Variants in SAMD8 observed in about 807,000 individuals in gnomAD.
SAMD8 encodes sterile alpha motif domain containing 8.
A neutral mutation model predicts 42.0 loss-of-function variants in SAMD8; 20 were observed. The observed-to-expected ratio is 0.48, with a 90% CI of 0.34 to 0.69. SAMD8 has a LOEUF of 0.69. Among genes scored for constraint, SAMD8 ranks in the 30% least tolerant of loss-of-function variants. The probability of loss-of-function intolerance (pLI) is 0.01; values close to 1 mark genes in which losing one functional copy is unlikely to be tolerated. For missense variants in SAMD8, 328 were observed against 511.6 expected, an observed-to-expected ratio of 0.64 and a Z score of 3.46; for synonymous variants, 162 against 173.0, an observed-to-expected ratio of 0.94 and a Z score of 0.50.
intron 1 of SAMD8, chr10:75,104,013 G>A (rs1350098708): frequency 7.4e-7 from 1 of 1,360,022 alleles, no homozygotes; most frequent in Admixed American, 1.9e-5. Flanking sequence ...GTGTCCGCCT[G>A]GGCCAGAGCC....
At chr10:75,109,968 C>T (rs1050236317), upstream of SAMD8, among the ~76,000 whole-genome samples, 15 of 152,160 alleles carry the variant, frequency 9.9e-5, no homozygotes, top group Admixed American at 7.9e-4. Context: ...CAGGCATGTG[C>T]CACCATGCCA....
In SAMD8 at chr10:75,178,395, C is replaced by G. The variant is rs947935691; in HGVS notation, c.*1703C>G. ...GCCAACATCTCATGTAAAGAAGTTG[C>G]ATAATCATGAAAAATAAAGGATGTT... On this transcript the variant is annotated 3_prime_UTR_variant, in exon 6 of 6. Coordinates refer to ENST00000542569, the MANE Select transcript of SAMD8 (RefSeq NM_001174156.2). The G allele has an allele frequency of 2.4e-4, 37 of 152,180 alleles. No individual in the cohort carries two copies. The highest frequency in any genetic ancestry group is 8.4e-4 in the African/African-American group (35 of 41,456). 9.4% of individuals were successfully genotyped at this position (152,180 alleles called of 1,614,324 possible).
intron 1 of SAMD8, among the ~76,000 whole-genome samples, chr10:75,127,791 G>T (rs976775904): frequency 2.0e-5 from 3 of 152,264 alleles, no homozygotes; most frequent in East Asian, 1.9e-4. Context: ...AAATAAACAA[G>T]TCCTCTTGAG....
intron 1 of SAMD8, among the ~76,000 whole-genome samples, chr10:75,140,457 G>A (rs1182749495): frequency 2.0e-5 from 3 of 152,196 alleles, no homozygotes; most frequent in African/African-American, 7.2e-5. Flanking sequence ...TGTATAATGG[G>A]AGGGACCTGT....
In SAMD8 at chr10:75,179,055, A is replaced by T. The variant is rs1292692045; in HGVS notation, c.*2363A>T. The T allele has an allele frequency of 6.6e-6, 1 of 152,016 alleles. No homozygotes were observed. Among genetic ancestry groups the T allele is most frequent in the Non-Finnish European group, 1.5e-5 (1 of 68,334 alleles). 9.4% of individuals were successfully genotyped at this position (152,016 alleles called of 1,614,324 possible). On this transcript the variant is annotated 3_prime_UTR_variant, in exon 6 of 6. Coordinates refer to ENST00000542569, the MANE Select transcript of SAMD8 (RefSeq NM_001174156.2). The stretch of plus-strand genomic sequence containing the variant: ...AAACGAAACAAAACAAAACAAAACA[A>T]ATTAGAGTGGGTGCAGTGTCTAATG...
At chr10:75,108,919 C>A (rs1848685538), upstream of SAMD8, 3 of 1,492,116 alleles carry the variant, frequency 2.0e-6, no homozygotes, top group Admixed American at 4.3e-5. Flanking sequence ...GCTATTTCTC[C>A]TTGTTTCCAC....
intron 1 of SAMD8, among the ~76,000 whole-genome samples, chr10:75,149,319 T>G (rs1300545446): frequency 2.6e-5 from 4 of 152,172 alleles, no homozygotes; most frequent in Non-Finnish European, 5.9e-5. Flanking sequence ...GTAGTAAAAA[T>G]TATTGGTACT....
chr10:75,145,680 T>C (rs1263327388), intron 1 of SAMD8, among the ~76,000 whole-genome samples: 1 of 152,302 alleles, frequency 6.6e-6, no homozygotes, highest in East Asian at 1.9e-4. Flanking sequence ...GAGGGGATAG[T>C]CCTGTGCATT....
chr10:75,115,471 A>G lies in SAMD8; in HGVS notation c.-16+3749A>G, dbSNP rs547012651. Among the ~76,000 whole-genome samples the G allele has an allele frequency of 5.3e-5, 8 of 152,348 alleles. No individual in the cohort carries two copies. In the East Asian group the frequency reaches 1.2e-3, roughly 22 times the overall value. ...CGCTGTTGCTTCCTGGTAATTTGCC[A>G]TATGAATGTGTGGGTATGGATTTGT... On this transcript the variant is annotated intron_variant, in intron 1 of 5. Transcript: ENST00000542569.
At chr10:75,148,153 A>G (rs1302637023) in intron 1 of SAMD8, among the ~76,000 whole-genome samples, 1 of 152,168 alleles carries the variant, frequency 6.6e-6, no homozygotes, top group East Asian at 1.9e-4. Flanking sequence ...AAAGAAATAA[A>G]TACTTAATGT....
At chr10:75,148,595 C>T (rs1840204320) in intron 1 of SAMD8, among the ~76,000 whole-genome samples, 1 of 152,096 alleles carries the variant, frequency 6.6e-6, no homozygotes, top group African/African-American at 2.4e-5. Flanking sequence ...CCTTGTGATC[C>T]ACCCGCCTCG....
intron 1 of SAMD8, among the ~76,000 whole-genome samples, chr10:75,100,671 GC>G (rs1261359419): frequency 1.3e-5 from 2 of 152,026 alleles, no homozygotes; most frequent in Non-Finnish European, 2.9e-5. Context: ...GCTCCTCCTC[GC>G]CCCCTTCCTG....
At chr10:75,131,628 A>G (rs1158863563) in intron 1 of SAMD8, among the ~76,000 whole-genome samples, 1 of 152,174 alleles carries the variant, frequency 6.6e-6, no homozygotes, top group Non-Finnish European at 1.5e-5. Flanking sequence ...CTGATAATTA[A>G]AGAAATAAGT....
chr10:75,148,346 CTTTTTTT>C (rs60024591), intron 1 of SAMD8, among the ~76,000 whole-genome samples: 30 of 82,552 alleles, frequency 3.6e-4, no homozygotes, highest in African/African-American at 1.4e-3. Context: ...GCAATACCAG[CTTTTTTT>C]TTTTTTTTTT....
intron 4 of SAMD8, among the ~76,000 whole-genome samples, chr10:75,171,919 G>A (rs375002671): frequency 4.0e-5 from 6 of 151,842 alleles, no homozygotes; most frequent in Admixed American, 1.3e-4. Context: ...CCAGCTACTC[G>A]GGAGGCTGAG....
intron 1 of SAMD8, among the ~76,000 whole-genome samples, chr10:75,114,155 G>A (rs1265116605): frequency 6.6e-6 from 1 of 151,934 alleles, no homozygotes; most frequent in Non-Finnish European, 1.5e-5. Flanking sequence ...GGCCAACATG[G>A]CAAAACCCCA....
exon 1 of SAMD8, chr10:75,099,626 G>A (rs772658973): frequency 2.9e-5 from 31 of 1,070,344 alleles, no homozygotes; most frequent in Admixed American, 1.7e-4. Flanking sequence ...TGGGCCCTCC[G>A]GTCCCTCTAA....
intron 1 of SAMD8, 100 bp downstream of exon 1, chr10:75,111,822 C>T (rs1848776123): frequency 1.6e-5 from 19 of 1,221,498 alleles, no homozygotes; most frequent in Non-Finnish European, 1.9e-5. Flanking sequence ...GCCGAGGGAC[C>T]GCGACCTGGA....
upstream of SAMD8, chr10:75,108,048 C>A: frequency 6.2e-7 from 1 of 1,613,890 alleles, no homozygotes; most frequent in Non-Finnish European, 8.5e-7. Flanking sequence ...GAAGTAGGCA[C>A]TGATGTCAAA....
Sources: gnomAD v4.1 joint callset for allele counts (sites outside exome capture counted in the v4.1 genomes callset) on GRCh38, gnomAD v4.1.1 for gene constraint, MANE v1.5 for transcripts, NCBI Gene and HGNC (gene_info 2026-07-23, HGNC 2026-07-21) for gene names.